The following GRM5 variants were observed in gnomAD, a reference collection of about 807,000 sequenced individuals.
The protein encoded by GRM5 is glutamate metabotropic receptor 5.
Under a neutral mutation model 83.1 loss-of-function variants are expected in GRM5, and 19 were observed. The ratio of observed to expected loss-of-function variants is 0.23; its 90% CI spans 0.16 to 0.34. The LOEUF is 0.34. Ranked by LOEUF, GRM5 falls within the 10% of genes least tolerant of loss-of-function variation. The pLI is 1.00. For synonymous variants in GRM5, 675 were observed against 633.6 expected, an observed-to-expected ratio of 1.07 and a Z score of -0.98; for missense variants, 1,160 against 1,588.3, an observed-to-expected ratio of 0.73 and a Z score of 4.58.
chr11:88,999,403 C>A (rs986520516), intron 2 of GRM5, among the ~76,000 whole-genome samples: 2 of 152,136 alleles, frequency 1.3e-5, no homozygotes, highest in Non-Finnish European at 2.9e-5. Context: ...AAGAAAGAAA[C>A]AACTCCATCA....
chr11:88,744,740 C>T (rs1278890020), intron 3 of GRM5, among the ~76,000 whole-genome samples: 1 of 152,114 alleles, frequency 6.6e-6, no homozygotes, highest in Non-Finnish European at 1.5e-5. Context: ...GTATTAGAAT[C>T]CAATCCTGAC....
At chr11:88,836,761 C>G (rs1331425151) in intron 3 of GRM5, among the ~76,000 whole-genome samples, 1 of 152,096 alleles carries the variant, frequency 6.6e-6, no homozygotes, top group East Asian at 1.9e-4. Context: ...CGCCACTGCA[C>G]TCCAGCTTGG....
chr11:89,053,604 T>C (rs1235041976), intron 1 of GRM5, among the ~76,000 whole-genome samples: 1 of 152,038 alleles, frequency 6.6e-6, no homozygotes, highest in Non-Finnish European at 1.5e-5. Flanking sequence ...GAGCCTGTAT[T>C]CGAAGAGGGT....
rs181880444 is a variant in GRM5, at chr11:88,817,272, G to A, written c.911+32634C>T. 3.0e-3 allele frequency among the ~76,000 whole-genome samples: 456 copies of A among 152,124 alleles called. 1 individual carries two copies. Among genetic ancestry groups the A allele is most frequent in the African/African-American group, 9.5e-3 (395 of 41,534 alleles). On this transcript the variant is annotated intron_variant, in intron 3 of 9. Transcript: ENST00000305447. ...TTGCTTATTTTGCCACTGTTTACACGTAAACAGTACATAAAATGCTCTTTT... is the reference window on the plus strand; with the variant it reads ...TTGCTTATTTTGCCACTGTTTACACATAAACAGTACATAAAATGCTCTTTT...
At chr11:88,804,188 A>G (rs1409307439) in intron 3 of GRM5, among the ~76,000 whole-genome samples, 1 of 150,862 alleles carries the variant, frequency 6.6e-6, no homozygotes, top group Non-Finnish European at 1.5e-5. Flanking sequence ...ATTACTGGGT[A>G]TATACCCAAA....
intron 2 of GRM5, among the ~76,000 whole-genome samples, chr11:88,861,783 C>A (rs992040895): frequency 9.9e-5 from 15 of 152,034 alleles, no homozygotes; most frequent in African/African-American, 2.9e-4. Context: ...ACACCTGGCC[C>A]ACAGTTCTAA....
At chr11:88,523,211 G>C (rs1412418195) in intron 9 of GRM5, among the ~76,000 whole-genome samples, 2 of 152,108 alleles carry the variant, frequency 1.3e-5, no homozygotes, top group Non-Finnish European at 2.9e-5. Context: ...TCATGCACTG[G>C]CTTCTTTGAG....
chr11:88,992,001 A>G (rs1164237515), intron 2 of GRM5, among the ~76,000 whole-genome samples: 1 of 152,176 alleles, frequency 6.6e-6, no homozygotes, highest in Non-Finnish European at 1.5e-5. Context: ...ACAAAAGACA[A>G]AATTGACAAA....
intron 7 of GRM5, among the ~76,000 whole-genome samples, chr11:88,585,180 T>G (rs1943287939): frequency 6.6e-6 from 1 of 152,214 alleles, no homozygotes; most frequent in African/African-American, 2.4e-5. Context: ...CTCTTCATTT[T>G]ACATCAAACC....
chr11:88,863,827 C>T (rs1160864862), intron 2 of GRM5, among the ~76,000 whole-genome samples: 9 of 151,690 alleles, frequency 5.9e-5, no homozygotes, highest in Admixed American at 6.6e-5. Flanking sequence ...CCTAGATGAG[C>T]TGGTTCCAGC....
At chr11:88,980,694 G>T (rs1939493348) in intron 2 of GRM5, among the ~76,000 whole-genome samples, 1 of 151,964 alleles carries the variant, frequency 6.6e-6, no homozygotes. Flanking sequence ...GTGGTGGCAG[G>T]TGCCTGTAGT....
chr11:88,944,217 A>T (rs1938203138), intron 2 of GRM5, among the ~76,000 whole-genome samples: 1 of 151,964 alleles, frequency 6.6e-6, no homozygotes, highest in Non-Finnish European at 1.5e-5. Context: ...AAAAATAGAG[A>T]GAAGCCAGAT....
chr11:89,047,945 C>T lies in GRM5; in HGVS notation c.-73G>A, dbSNP rs143218898. 8.5e-4 allele frequency: 934 copies of T among 1,093,296 alleles called. 2 individuals are homozygous for T. The African/African-American group carries it at 0.012, about 15-fold the overall frequency. The allele number at this position is 1,093,296 out of a possible 1,614,324, so 67.7% of individuals were successfully genotyped here. ...TCAGGAGGGTTCTGATAGCTACGAA[C>T]AAGCGATGTCCTACGTTGAGTCGCA... On this transcript the variant is annotated 5_prime_UTR_variant, in exon 2 of 10. Coordinates refer to ENST00000305447, the MANE Select transcript of GRM5 (RefSeq NM_001143831.3). This position sits in a 1 kb window ranked among gnomAD's most constrained non-coding sequence, Gnocchi z 5.1.
chr11:89,014,152 CACAA>C (rs1940786317), intron 2 of GRM5, among the ~76,000 whole-genome samples: 1 of 152,092 alleles, frequency 6.6e-6, no homozygotes, highest in Non-Finnish European at 1.5e-5. Flanking sequence ...CAAATACACA[CACAA>C]ACACATAATC....
intron 8 of GRM5, among the ~76,000 whole-genome samples, chr11:88,538,558 A>G (rs922380401): frequency 1.3e-5 from 2 of 152,216 alleles, no homozygotes; most frequent in Admixed American, 6.5e-5. Flanking sequence ...TCAGACAGAT[A>G]ACCTTACTAT....
chr11:89,024,421 C>A (rs1430759107), intron 2 of GRM5, among the ~76,000 whole-genome samples: 1 of 152,132 alleles, frequency 6.6e-6, no homozygotes, highest in Non-Finnish European at 1.5e-5. Flanking sequence ...ATATCAGGAT[C>A]TTCATAGCAA....
intron 2 of GRM5, among the ~76,000 whole-genome samples, chr11:88,895,215 G>A (rs966251624): frequency 6.6e-6 from 1 of 151,924 alleles, no homozygotes; most frequent in African/African-American, 2.4e-5. Context: ...GAATTCAATT[G>A]TTTTGGATGG....
intron 2 of GRM5, among the ~76,000 whole-genome samples, chr11:89,010,341 CTG>C (rs1363319746): frequency 6.6e-6 from 1 of 152,114 alleles, no homozygotes; most frequent in African/African-American, 2.4e-5. Flanking sequence ...CCCACAGAAA[CTG>C]TGTAACTTGG....
At chr11:88,713,228 C>A (rs978110915) in intron 3 of GRM5, among the ~76,000 whole-genome samples, 2 of 151,982 alleles carry the variant, frequency 1.3e-5, no homozygotes, top group Admixed American at 6.6e-5. Context: ...TAAGGGGTCT[C>A]TAAATAAAAT....
Sources: gnomAD v4.1 joint callset for allele counts (sites outside exome capture counted in the v4.1 genomes callset) on GRCh38, gnomAD v4.1.1 for gene constraint, Gnocchi (gnomAD v3.1) non-coding constraint, MANE v1.5 for transcripts, NCBI Gene and HGNC (gene_info 2026-07-23, HGNC 2026-07-21) for gene names.